ATP2A1: variants seen among roughly 807,000 people sequenced by gnomAD.
The protein encoded by ATP2A1 is ATPase sarcoplasmic/endoplasmic reticulum Ca2+ transporting 1, also known as sarcoplasmic/endoplasmic reticulum calcium ATPase 1.
A neutral mutation model predicts 109.5 loss-of-function variants in ATP2A1; 83 were observed. That is an observed-to-expected ratio of 0.76 (90% CI 0.63 to 0.91). ATP2A1 has a LOEUF of 0.91. Among genes scored for constraint, ATP2A1 ranks in the 40% least tolerant of loss-of-function variants. The pLI is 0.00. For missense variants in ATP2A1, 1,101 were observed against 1,341.0 expected, an observed-to-expected ratio of 0.82 and a Z score of 2.80; for synonymous variants, 505 against 537.6, an observed-to-expected ratio of 0.94 and a Z score of 0.84.
intron 14 of ATP2A1, 50 bp from the exon 15 acceptor site, chr16:28,900,531 A>T (rs1458100098): frequency 5.1e-6 from 6 of 1,165,312 alleles, no homozygotes; most frequent in Non-Finnish European, 6.5e-6. Context: ...CCTCCAGGGG[A>T]GTTTTCCAGA....
At position 28,883,232 on chromosome 16, in the gene ATP2A1, C is replaced by T. The variant is rs868148345; in HGVS notation, c.463+643C>T. Among the ~76,000 whole-genome samples the T allele has an allele frequency of 5.3e-5, 8 of 152,190 alleles. No individual in the cohort carries two copies. The East Asian group carries it at 7.7e-4, about 15-fold the overall frequency. On this transcript the variant is annotated intron_variant, in intron 5 of 22. Coordinates refer to ENST00000395503, the MANE Select transcript of ATP2A1 (RefSeq NM_004320.6). The surrounding 1 kb of genome is among the most constrained non-coding windows in gnomAD (Gnocchi z 5.2). The stretch of plus-strand genomic sequence containing the variant: ...TATGTTTGCCCTGAGCAGGCCTTCC[C>T]GAAGCTCCAGGCCCCTGCCAGGGGG...
chr16:28,894,102 A>G, intron 9 of ATP2A1, 53 bp from the exon 10 acceptor site: 2 of 1,541,106 alleles, frequency 1.3e-6, no homozygotes, highest in East Asian at 2.3e-5. Context: ...GCAGGTGCCC[A>G]CCTTGGGATG....
Position 28,880,077 on chromosome 16 carries a change from C to T in ATP2A1, c.219+494C>T. 2.0e-6 allele frequency: 2 copies of T among 1,000,280 alleles called. No individual in the cohort carries two copies. Among genetic ancestry groups the T allele is most frequent in the Non-Finnish European group, 2.4e-6 (2 of 841,654 alleles). The allele number at this position is 1,000,280 out of a possible 1,614,324, so 62.0% of individuals were successfully genotyped here. A position where few individuals can be genotyped will look rare whatever the true frequency, so the allele number is the denominator to read the frequency against. On this transcript the variant is annotated intron_variant, in intron 3 of 22. Coordinates refer to ENST00000395503, the MANE Select transcript of ATP2A1 (RefSeq NM_004320.6). This position sits in a 1 kb window ranked among gnomAD's most constrained non-coding sequence, Gnocchi z 4.2. ...AAGCGCGGCGGTGTGATGATGACTC[C>T]AAGGAGCCCGGCGCCCGGTCAGGGA... is the stretch of plus-strand genomic sequence containing the variant.
Position 28,878,597 on chromosome 16 carries a change from A to G in ATP2A1, c.-75A>G, listed in dbSNP as rs1963342022. 1 of 1,250,358 alleles carries G rather than the reference A, an allele frequency of 8.0e-7. No homozygotes were observed. The highest frequency in any genetic ancestry group is 1.1e-6 in the Non-Finnish European group (1 of 872,590). The allele number at this position is 1,250,358 out of a possible 1,614,324, so 77.5% of individuals were successfully genotyped here. A position where few individuals can be genotyped will look rare whatever the true frequency, so the allele number is the denominator to read the frequency against. On this transcript the variant is annotated 5_prime_UTR_variant, in exon 1 of 23. Transcript: ENST00000395503. ...CCCAGGCAGACAGGCAGTTGGACAC[A>G]CTGAGGAAGACCCCCCACGAGTGGG... is the stretch of plus-strand genomic sequence containing the variant.
intron 9 of ATP2A1, among the ~76,000 whole-genome samples, chr16:28,889,349 C>G (rs1182412712): frequency 6.6e-6 from 1 of 152,044 alleles, no homozygotes; most frequent in Non-Finnish European, 1.5e-5. Context: ...CTCTGCCTCC[C>G]GGGTTCAAGC....
chr16:28,897,927 G>C, intron 12 of ATP2A1, 73 bp from the exon 13 acceptor site: 1 of 1,576,356 alleles, frequency 6.3e-7, no homozygotes, highest in Non-Finnish European at 8.7e-7. Flanking sequence ...CTTAGCTTGG[G>C]GTCTGCTCTG....
At chr16:28,900,980 G>A (rs894121807) in intron 15 of ATP2A1, 64 bp downstream of exon 15, 196 of 1,599,806 alleles carry the variant, frequency 1.2e-4, no homozygotes, top group Non-Finnish European at 1.6e-4. Context: ...CTGTGCTGGG[G>A]AGAGTGGGGC....
Position 28,880,080 on chromosome 16 carries a change from G to C in ATP2A1, c.219+497G>C, listed in dbSNP as rs1277377092. 3.0e-6 allele frequency: 3 copies of C among 999,256 alleles called. No homozygotes were observed. In the African/African-American group the frequency reaches 5.2e-5, roughly 17 times the overall value. 61.9% of individuals were successfully genotyped at this position (999,256 alleles called of 1,614,324 possible). A position where few individuals can be genotyped will look rare whatever the true frequency, so the allele number is the denominator to read the frequency against. ...CGCGGCGGTGTGATGATGACTCCAA[G>C]GAGCCCGGCGCCCGGTCAGGGAGGG... On this transcript the variant is annotated intron_variant, in intron 3 of 22. Coordinates refer to ENST00000395503, the MANE Select transcript of ATP2A1 (RefSeq NM_004320.6). This position sits in a 1 kb window ranked among gnomAD's most constrained non-coding sequence, Gnocchi z 4.2.
chr16:28,900,983 A>G, intron 15 of ATP2A1, 67 bp downstream of exon 15: 1 of 1,592,274 alleles, frequency 6.3e-7, no homozygotes, highest in Non-Finnish European at 8.6e-7. Flanking sequence ...TGCTGGGGAG[A>G]GTGGGGCCCA....
In ATP2A1 at chr16:28,879,883, G is replaced by A. The variant is rs1963405606; in HGVS notation, c.219+300G>A. 10 of 635,324 alleles carry A rather than the reference G, an allele frequency of 1.6e-5. 1 individual carries two copies. The South Asian group carries it at 3.1e-4, about 20-fold the overall frequency. 39.4% of individuals were successfully genotyped at this position (635,324 alleles called of 1,614,324 possible). ...GTTACCCACCCGAACTCCGGGCTCC[G>A]GGTCCCGCCGCGATGCCGGCTGCGG... On this transcript the variant is annotated intron_variant, in intron 3 of 22. Transcript: ENST00000395503.
rs1963971027 is a variant in ATP2A1 at position 28,898,232 on chromosome 16, G to A, written c.1546-1G>A. The A allele has an allele frequency of 6.2e-7, 1 of 1,613,898 alleles. No homozygotes were observed. Among genetic ancestry groups the A allele is most frequent in the Admixed American group, 1.7e-5 (1 of 59,998 alleles). ...CTCTGAATGCTGTTCTGGTCTCCTAGGGTGCCCCTGAGGGCGTCATCGACC... is the reference window on the plus strand; with the variant it reads ...CTCTGAATGCTGTTCTGGTCTCCTAAGGTGCCCCTGAGGGCGTCATCGACC... On this transcript the variant is annotated splice_acceptor_variant, in intron 13 of 22. Coordinates refer to ENST00000395503, the MANE Select transcript of ATP2A1 (RefSeq NM_004320.6). LOFTEE classifies it high-confidence loss of function. This position sits in a 1 kb window ranked among gnomAD's most constrained non-coding sequence, Gnocchi z 4.0.
chr16:28,894,989 C>T (rs754485885), intron 12 of ATP2A1, 36 bp downstream of exon 12: 2 of 1,607,408 alleles, frequency 1.2e-6, no homozygotes. Context: ...GGGCCGTCTC[C>T]ACTCTATGCT....
chr16:28,888,193 T>C (rs1406787726), intron 8 of ATP2A1, among the ~76,000 whole-genome samples: 1 of 152,066 alleles, frequency 6.6e-6, no homozygotes, highest in African/African-American at 2.4e-5. Context: ...CCACCATGCC[T>C]GGCTAATTTT....
intron 2 of ATP2A1, 164 bp downstream of exon 2, chr16:28,879,280 C>A: frequency 4.0e-6 from 4 of 995,196 alleles, no homozygotes; most frequent in Non-Finnish European, 6.3e-6. Flanking sequence ...AGAAGTCTCC[C>A]AGGCGCTTTC....
chr16:28,903,280 C>T lies in ATP2A1; in HGVS notation c.2863-43C>T. ...GCTGGGCAGTGCTGGTCTCTGGCTC[C>T]CTCCCCACCCCCTCCTGAGAGGGCG... is the stretch of plus-strand genomic sequence containing the variant. On this transcript the variant is annotated intron_variant, in intron 20 of 22. Coordinates refer to ENST00000395503, the MANE Select transcript of ATP2A1 (RefSeq NM_004320.6). This position sits in a 1 kb window ranked among gnomAD's most constrained non-coding sequence, Gnocchi z 5.6. The T allele has an allele frequency of 3.2e-6, 5 of 1,586,012 alleles. No homozygotes were observed. Among genetic ancestry groups the T allele is most frequent in the Non-Finnish European group, 4.3e-6 (5 of 1,154,778 alleles).
chr16:28,903,011 C>G lies in ATP2A1; in HGVS notation c.2745-19C>G. The G allele has an allele frequency of 6.2e-7, 1 of 1,613,626 alleles. No individual in the cohort carries two copies. Among genetic ancestry groups the G allele is most frequent in the Non-Finnish European group, 8.5e-7 (1 of 1,179,766 alleles). On this transcript the variant is annotated intron_variant, in intron 19 of 22. Transcript: ENST00000395503. The surrounding 1 kb of genome is among the most constrained non-coding windows in gnomAD (Gnocchi z 5.6). Reference sequence around the variant, plus strand: ...CCTTCCTCCTCACTGTGCCTTCTCCCTCCCCTTCCCCTCTGCAGCCTGTCC... The same window carrying G: ...CCTTCCTCCTCACTGTGCCTTCTCCGTCCCCTTCCCCTCTGCAGCCTGTCC...
Position 28,901,889 on chromosome 16 carries a change from T to G in ATP2A1, c.2127T>G (p.Pro709=). 1 of 1,614,174 alleles carries G rather than the reference T, an allele frequency of 6.2e-7. No individual in the cohort carries two copies. Among genetic ancestry groups the G allele is most frequent in the Non-Finnish European group, 8.5e-7 (1 of 1,180,002 alleles). The change falls in exon 16 of 23, where the codon CCT becomes CCG. Residue 709 remains proline, a synonymous_variant. Transcript: ENST00000395503. ...AMTGDGVNDA[P]ALKKAEIGIA... ...CAGGTGATGGCGTCAATGACGCCCC[T>G]GCCCTGAAGAAGGCTGAGATTGGCA... is the stretch of plus-strand genomic sequence containing the variant.
rs1445838785 is a variant in ATP2A1 at position 28,880,045 on chromosome 16, G to A, written c.219+462G>A. ...GTCGAGGGGAGGACTCGCTCCTAGT[G>A]GCGGGAAAGCGCGGCGGTGTGATGA... On this transcript the variant is annotated intron_variant, in intron 3 of 22. Coordinates refer to ENST00000395503, the MANE Select transcript of ATP2A1 (RefSeq NM_004320.6). This position sits in a 1 kb window ranked among gnomAD's most constrained non-coding sequence, Gnocchi z 4.2. 9 of 1,004,562 alleles carry A rather than the reference G, an allele frequency of 9.0e-6. No homozygotes were observed. In the Admixed American group the frequency reaches 5.5e-4, roughly 61 times the overall value. 62.2% of individuals were successfully genotyped at this position (1,004,562 alleles called of 1,614,324 possible). A position where few individuals can be genotyped will look rare whatever the true frequency, so the allele number is the denominator to read the frequency against.
chr16:28,902,117 G>C lies in ATP2A1; in HGVS notation c.2321+34G>C. ...CTGGGTGGGCGTCCAGGAGGAAGCC[G>C]GGGTTAGGGTGGGGTGGCTGCAGGT... is the stretch of plus-strand genomic sequence containing the variant. On this transcript the variant is annotated intron_variant, in intron 16 of 22. Transcript: ENST00000395503. The surrounding 1 kb of genome is among the most constrained non-coding windows in gnomAD (Gnocchi z 4.8). 6.2e-7 allele frequency: 1 copy of C among 1,613,992 alleles called. No homozygotes were observed. The highest frequency in any genetic ancestry group is 8.5e-7 in the Non-Finnish European group (1 of 1,179,826).
Sources: gnomAD v4.1 joint callset for allele counts (sites outside exome capture counted in the v4.1 genomes callset) on GRCh38, gnomAD v4.1.1 for gene constraint, Gnocchi (gnomAD v3.1) non-coding constraint, MANE v1.5 for transcripts, NCBI Gene and HGNC (gene_info 2026-07-23, HGNC 2026-07-21) for gene names.